Variants in DTNA observed in about 807,000 individuals in gnomAD.
DTNA encodes dystrophin-related protein 3.
In DTNA, 43 loss-of-function variants were observed where a neutral mutation model predicts 100.7. The ratio of observed to expected loss-of-function variants is 0.43; its 90% confidence interval spans 0.33 to 0.55. The LOEUF (loss-of-function observed/expected upper bound fraction) is 0.55, where lower values mean the gene tolerates loss of function less well. DTNA is among the 20% of genes least tolerant of loss of function. The pLI, the probability that DTNA is intolerant of heterozygous loss-of-function variation, is 0.04. For synonymous variants in DTNA, 349 were observed against 347.9 expected (o/e 1.00, Z -0.04); for missense variants, 798 against 953.9 (o/e 0.84, Z 2.15).
chr18:34,517,230 G>T (rs2041716936), intron 1 of DTNA, among the ~76,000 whole-genome samples: 1 of 152,050 alleles, frequency 6.6e-6, no homozygotes, highest in Non-Finnish European at 1.5e-5. Context: ...CACTGAAGCT[G>T]CCCTAAATTT....
intron 1 of DTNA, among the ~76,000 whole-genome samples, chr18:34,680,243 T>C (rs1160428139): frequency 6.6e-6 from 1 of 152,148 alleles, no homozygotes; most frequent in Non-Finnish European, 1.5e-5. Context: ...TGAATAAATA[T>C]ATTTTACATC....
At chr18:34,868,021 C>A in intron 17 of DTNA, 1 of 983,942 alleles carries the variant, frequency 1.0e-6, no homozygotes, top group Non-Finnish European at 1.2e-6. Context: ...GGACCTGAGG[C>A]AGCTTACAAC....
At chr18:34,790,848 G>A (rs972685783) in intron 3 of DTNA, among the ~76,000 whole-genome samples, 1 of 152,136 alleles carries the variant, frequency 6.6e-6, no homozygotes, top group African/African-American at 2.4e-5. Context: ...TTGGGTGGTG[G>A]CAATAAAGGT....
intron 19 of DTNA, among the ~76,000 whole-genome samples, chr18:34,878,560 C>T (rs906747777): frequency 6.6e-6 from 1 of 152,106 alleles, no homozygotes; most frequent in Admixed American, 6.5e-5. Context: ...CCTGCTTCAG[C>T]CTCCCGAAGT....
In DTNA at chr18:34,866,627, G is replaced by A. The variant is rs140811874; in HGVS notation, c.1743+2565G>A. The A allele has an allele frequency of 5.9e-6, 6 of 1,010,564 alleles. No individual in the cohort carries two copies. The African/African-American group carries it at 1.0e-4, about 17-fold the overall frequency. 62.6% of individuals were successfully genotyped at this position (1,010,564 alleles called of 1,614,324 possible). A position where few individuals can be genotyped will look rare whatever the true frequency, so the allele number is the denominator to read the frequency against. ...GTGAAACCTCTTTTTATAAAAATCA[G>A]GCAATTAAATCCCTTTTCATCACAC... On this transcript the variant is annotated intron_variant, in intron 17 of 22. Coordinates refer to ENST00000444659, the MANE Select transcript of DTNA (RefSeq NM_001386795.1).
At chr18:34,626,318 G>T (rs2057317695) in intron 1 of DTNA, among the ~76,000 whole-genome samples, 1 of 152,006 alleles carries the variant, frequency 6.6e-6, no homozygotes, top group Admixed American at 6.5e-5. Flanking sequence ...GAAAAACAGA[G>T]ATAATGGATT....
rs7234349 is a variant in DTNA, at chr18:34,814,588, A to C, written c.604-1321A>C. ...ACACTTATAGTCCCAGCTACTTGGG[A>C]GGCTGAGATGAGAGGATCCCTTTAG... On this transcript the variant is annotated intron_variant, in intron 6 of 22. Transcript: ENST00000444659. 8.7e-3 allele frequency among the ~76,000 whole-genome samples: 1,328 copies of C among 151,998 alleles called. 12 individuals are homozygous for C. Among genetic ancestry groups the C allele is most frequent in the African/African-American group, 0.031 (1,291 of 41,486 alleles).
chr18:34,533,622 A>T lies in DTNA; in HGVS notation c.-2+40108A>T, dbSNP rs113677889. On this transcript the variant is annotated intron_variant, in intron 1 of 19. Transcript: ENST00000283365. ...TAATTGAGTAACTTATTTGCAGCGC[A>T]TGTTTTCTGAAAATTTAGTCTTTTT... 2.2e-3 allele frequency among the ~76,000 whole-genome samples: 337 copies of T among 152,264 alleles called. 2 individuals carry two copies. The highest frequency in any genetic ancestry group is 7.9e-3 in the African/African-American group (327 of 41,576).
chr18:34,510,622 CTTTTTTTTTT>C (rs1027138316), intron 1 of DTNA, among the ~76,000 whole-genome samples: 2 of 92,826 alleles, frequency 2.2e-5, no homozygotes, highest in Admixed American at 1.1e-4. Context: ...ACTGGCCATT[CTTTTTTTTTT>C]TTTTTTTTTT....
chr18:34,624,048 A>G (rs2056946677), intron 1 of DTNA, among the ~76,000 whole-genome samples: 1 of 152,182 alleles, frequency 6.6e-6, no homozygotes, highest in Non-Finnish European at 1.5e-5. Context: ...AAATTACCCA[A>G]AGGCCTAGTG....
intron 1 of DTNA, among the ~76,000 whole-genome samples, chr18:34,746,449 C>A (rs182365378): frequency 1.3e-5 from 2 of 152,076 alleles, no homozygotes; most frequent in South Asian, 4.2e-4. Flanking sequence ...GCCATCATTT[C>A]CCTATGACAA....
intron 1 of DTNA, among the ~76,000 whole-genome samples, chr18:34,555,796 G>C (rs376376638): frequency 1.3e-5 from 2 of 152,026 alleles, no homozygotes; most frequent in South Asian, 2.1e-4. Context: ...TTACTTCCAA[G>C]TATGTGGTCA....
intron 1 of DTNA, among the ~76,000 whole-genome samples, chr18:34,510,804 A>G (rs2041002221): frequency 6.6e-6 from 1 of 152,004 alleles, no homozygotes; most frequent in South Asian, 2.1e-4. Flanking sequence ...GATAGGGGCT[A>G]GTCCAGATCT....
intron 11 of DTNA, among the ~76,000 whole-genome samples, chr18:34,833,949 G>C (rs1337836216): frequency 6.6e-6 from 1 of 152,112 alleles, no homozygotes; most frequent in African/African-American, 2.4e-5. Flanking sequence ...ACAATGATAT[G>C]CTGGAAGCAC....
rs1349215588 is a variant in DTNA, at chr18:34,890,070, C to T, written c.*2336C>T. 1 of 1,363,096 alleles carries T rather than the reference C, an allele frequency of 7.3e-7. No homozygotes were observed. The highest frequency in any genetic ancestry group is 3.2e-5 in the Admixed American group (1 of 31,250). The allele number at this position is 1,363,096 out of a possible 1,614,324, so 84.4% of individuals were successfully genotyped here. Reference sequence around the variant, plus strand: ...AAATCCTGCACGTGGCACTCCACCACTGACTGGACCGAGCTGGCATATGTT... The same window carrying T: ...AAATCCTGCACGTGGCACTCCACCATTGACTGGACCGAGCTGGCATATGTT... On this transcript the variant is annotated 3_prime_UTR_variant, in exon 23 of 23. Coordinates refer to ENST00000444659, the MANE Select transcript of DTNA (RefSeq NM_001386795.1).
intron 1 of DTNA, among the ~76,000 whole-genome samples, chr18:34,539,471 G>T (rs2044041210): frequency 1.3e-5 from 2 of 151,942 alleles, no homozygotes; most frequent in African/African-American, 4.8e-5. Context: ...AAAATTAGGG[G>T]CAATCTAAAT....
intron 6 of DTNA, among the ~76,000 whole-genome samples, chr18:34,814,087 A>G (rs1255630958): frequency 6.6e-6 from 1 of 152,082 alleles, no homozygotes; most frequent in Non-Finnish European, 1.5e-5. Flanking sequence ...CAGGGGGCTG[A>G]GTTTTTAACT....
At chr18:34,611,760 T>C (rs2054256104) in intron 1 of DTNA, among the ~76,000 whole-genome samples, 1 of 152,166 alleles carries the variant, frequency 6.6e-6, no homozygotes, top group South Asian at 2.1e-4. Flanking sequence ...GAGGAGCTAC[T>C]TCACCTCACT....
chr18:34,724,580 G>C (rs1600853954), intron 1 of DTNA, among the ~76,000 whole-genome samples: 1 of 152,220 alleles, frequency 6.6e-6, no homozygotes, highest in East Asian at 1.9e-4. Flanking sequence ...AAGGGAAATA[G>C]CATATCACAT....
Sources: allele counts gnomAD v4.1 joint callset (sites outside exome capture counted in the v4.1 genomes callset), GRCh38; gene constraint gnomAD v4.1.1; transcripts MANE v1.5; gene names NCBI Gene and HGNC (gene_info 2026-07-23, HGNC 2026-07-21).